The following SHISA6 variants were observed in gnomAD, a reference collection of about 807,000 sequenced individuals.
SHISA6 encodes protein shisa-6.
A neutral mutation model predicts 47.9 loss-of-function variants in SHISA6; 22 were observed. That is an observed-to-expected ratio of 0.46 (90% CI 0.33 to 0.66). The LOEUF (loss-of-function observed/expected upper bound fraction) is 0.66. SHISA6 is among the 30% of genes least tolerant of loss of function. The pLI is 0.02. For synonymous variants in SHISA6, 388 were observed against 337.8 expected (o/e 1.15, Z -1.63); for missense variants, 680 against 764.6 (o/e 0.89, Z 1.30).
At chr17:11,366,966 T>A (rs1002922760) in intron 2 of SHISA6, among the ~76,000 whole-genome samples, 1 of 152,122 alleles carries the variant, frequency 6.6e-6, no homozygotes, top group Non-Finnish European at 1.5e-5. Flanking sequence ...CTGAATTAGG[T>A]TGGACTTTAA....
chr17:11,451,904 GT>G lies in SHISA6; in HGVS notation c.895+72397del, dbSNP rs1915412382. Among the ~76,000 whole-genome samples, 9 of 152,326 alleles carry G rather than the reference GT, an allele frequency of 5.9e-5. No individual in the cohort carries two copies. The South Asian group carries it at 1.9e-3, about 32-fold the overall frequency. ...CAGAAGAAATCCTTAGATGTGGCAG[GT>G]TGAACTCAAGATTGCAGAAGAAATC... On this transcript the variant is annotated intron_variant, in intron 3 of 5. Transcript: ENST00000441885.
In SHISA6 at chr17:11,561,435, C is replaced by T. The variant is rs987942886; in HGVS notation, c.*3131C>T. On this transcript the variant is annotated 3_prime_UTR_variant, in exon 6 of 6. Coordinates refer to ENST00000441885, the MANE Select transcript of SHISA6 (RefSeq NM_207386.4). ...GCATCTCCACCTTCCCTGTCTTGCT[C>T]CAGGCTCCTGGCTCCATGCCTTCCT... The T allele has an allele frequency of 8.5e-5, 13 of 152,478 alleles. 2 individuals carry two copies. In the South Asian group the frequency reaches 1.0e-3, roughly 12 times the overall value. 9.4% of individuals were successfully genotyped at this position (152,478 alleles called of 1,614,324 possible).
chr17:11,321,137 C>A (rs1178504937), intron 2 of SHISA6, among the ~76,000 whole-genome samples: 1 of 152,168 alleles, frequency 6.6e-6, no homozygotes, highest in East Asian at 1.9e-4. Flanking sequence ...ATTGTATTGG[C>A]CTTGATCCTC....
At chr17:11,346,213 G>GT (rs1911695905) in intron 2 of SHISA6, among the ~76,000 whole-genome samples, 1 of 152,002 alleles carries the variant, frequency 6.6e-6, no homozygotes, top group South Asian at 2.1e-4. Flanking sequence ...AATCATATGG[G>GT]TTTTTTGTTG....
intron 3 of SHISA6, among the ~76,000 whole-genome samples, chr17:11,388,854 A>G (rs573448932): frequency 2.6e-5 from 3 of 116,118 alleles, no homozygotes; most frequent in African/African-American, 7.7e-5. Flanking sequence ...TAAAAAAGGT[A>G]AAAAAAAAAA....
chr17:11,255,200 G>A (rs962219154), intron 1 of SHISA6, among the ~76,000 whole-genome samples: 1 of 152,318 alleles, frequency 6.6e-6, no homozygotes, highest in African/African-American at 2.4e-5. Context: ...ATGAGTTAAA[G>A]TCAGTAGAAA....
chr17:11,367,805 T>C (rs2142235048), intron 2 of SHISA6, among the ~76,000 whole-genome samples: 1 of 152,314 alleles, frequency 6.6e-6, no homozygotes, highest in African/African-American at 2.4e-5. Context: ...TATAACAGTC[T>C]GCAAATGAAA....
chr17:11,502,779 G>T (rs1338195142), intron 3 of SHISA6, among the ~76,000 whole-genome samples: 1 of 152,166 alleles, frequency 6.6e-6, no homozygotes, highest in Non-Finnish European at 1.5e-5. Flanking sequence ...ACTGGGTGGG[G>T]TTCCGGGGTT....
intron 3 of SHISA6, among the ~76,000 whole-genome samples, chr17:11,437,061 C>T (rs2142294199): frequency 6.6e-6 from 1 of 152,158 alleles, no homozygotes; most frequent in South Asian, 2.1e-4. Flanking sequence ...AAAGCTTATT[C>T]CAAGGAAGGA....
chr17:11,294,720 G>C (rs570328166), intron 2 of SHISA6, among the ~76,000 whole-genome samples: 2 of 152,084 alleles, frequency 1.3e-5, no homozygotes, highest in East Asian at 3.9e-4. Flanking sequence ...ACCAAGGATG[G>C]TACCAAACCT....
chr17:11,336,594 G>A (rs766367365), intron 2 of SHISA6, among the ~76,000 whole-genome samples: 4 of 152,132 alleles, frequency 2.6e-5, no homozygotes, highest in African/African-American at 7.2e-5. Context: ...TGGGGCTTGC[G>A]AAGGCAGATG....
rs1907311907 is a variant in SHISA6 at position 11,241,300 on chromosome 17, C to T, written c.-123C>T. ...CGCCCGCGCCTCGATGGCGCCATCG[C>T]CCCGGAGCCGCTGACCGCTCAGCGC... On this transcript the variant is annotated 5_prime_UTR_variant, in exon 1 of 6. Coordinates refer to ENST00000441885, the MANE Select transcript of SHISA6 (RefSeq NM_207386.4). This position sits in a 1 kb window ranked among gnomAD's most constrained non-coding sequence, Gnocchi z 5.5. 1 of 540,318 alleles carries T rather than the reference C, an allele frequency of 1.9e-6. No homozygotes were observed. The highest frequency in any genetic ancestry group is 2.4e-6 in the Non-Finnish European group (1 of 424,416). 33.5% of individuals were successfully genotyped at this position (540,318 alleles called of 1,614,324 possible). A position where few individuals can be genotyped will look rare whatever the true frequency, so the allele number is the denominator to read the frequency against.
At chr17:11,266,898 A>G (rs1410473198) in intron 2 of SHISA6, among the ~76,000 whole-genome samples, 3 of 152,186 alleles carry the variant, frequency 2.0e-5, no homozygotes, top group Admixed American at 2.0e-4. Context: ...GGTTTTGGAC[A>G]TTGAAAGCAC....
chr17:11,442,642 A>C (rs1329942485), intron 3 of SHISA6, among the ~76,000 whole-genome samples: 1 of 152,210 alleles, frequency 6.6e-6, no homozygotes, highest in Admixed American at 6.5e-5. Context: ...GCTCACAGTA[A>C]AGACTCAGCA....
In SHISA6 at chr17:11,496,748, G is replaced by GAAA. The variant is rs111418769; in HGVS notation, c.896-55136_896-55134dup. The stretch of plus-strand genomic sequence containing the variant: ...TGCGAGACTCCATCTCAAAAAAAAA[G>GAAA]AAAAAAAAAAAAAAGAATGGGATAG... On this transcript the variant is annotated intron_variant, in intron 3 of 5. Transcript: ENST00000441885. Among the ~76,000 whole-genome samples, 43 of 127,860 alleles carry GAAA rather than the reference G, an allele frequency of 3.4e-4. 1 individual carries two copies. In the East Asian group the frequency reaches 3.8e-3, roughly 11 times the overall value. The allele number at this position is 127,860 out of a possible 152,430, so 83.9% of individuals were successfully genotyped here. A position where few individuals can be genotyped will look rare whatever the true frequency, so the allele number is the denominator to read the frequency against.
chr17:11,441,115 C>T (rs1381367136), intron 3 of SHISA6, among the ~76,000 whole-genome samples: 1 of 152,216 alleles, frequency 6.6e-6, no homozygotes, highest in Non-Finnish European at 1.5e-5. Context: ...CCCTCCATGA[C>T]TTCAACTCCA....
At chr17:11,454,048 T>C (rs1180963218) in intron 3 of SHISA6, among the ~76,000 whole-genome samples, 1 of 152,236 alleles carries the variant, frequency 6.6e-6, no homozygotes, top group Non-Finnish European at 1.5e-5. Context: ...TTTAATTTTA[T>C]AAGTTAAATC....
chr17:11,539,829 T>G (rs1024912780), intron 3 of SHISA6, among the ~76,000 whole-genome samples: 1 of 152,174 alleles, frequency 6.6e-6, no homozygotes, highest in Admixed American at 6.5e-5. Context: ...CTGATATCCC[T>G]GACTGGGCAC....
At chr17:11,408,925 T>A (rs1374136468) in intron 3 of SHISA6, among the ~76,000 whole-genome samples, 3 of 152,112 alleles carry the variant, frequency 2.0e-5, no homozygotes, top group Non-Finnish European at 4.4e-5. Context: ...CTATAAAGAC[T>A]GGAGCTTTGG....
Sources: allele counts gnomAD v4.1 joint callset (sites outside exome capture counted in the v4.1 genomes callset), GRCh38; gene constraint gnomAD v4.1.1; non-coding constraint Gnocchi (gnomAD v3.1); transcripts MANE v1.5; gene names NCBI Gene and HGNC (gene_info 2026-07-23, HGNC 2026-07-21).